EPB41L4B: variants seen among roughly 807,000 people sequenced by gnomAD.
EPB41L4B encodes erythrocyte membrane protein band 4.1 like 4B.
Under a neutral mutation model 112.5 loss-of-function variants are expected in EPB41L4B, and 30 were observed. That is an observed-to-expected ratio of 0.27 (90% CI 0.20 to 0.36). The LOEUF (loss-of-function observed/expected upper bound fraction) is 0.36. EPB41L4B is among the 10% of genes least tolerant of loss of function. The pLI is 1.00. For synonymous variants in EPB41L4B, 408 were observed against 439.7 expected, an observed-to-expected ratio of 0.93 and a Z score of 0.90; for missense variants, 1,024 against 1,133.3, an observed-to-expected ratio of 0.90 and a Z score of 1.38.
At position 109,213,762 on chromosome 9, in the gene EPB41L4B, G is replaced by T. The variant is rs367940262; in HGVS notation, c.1690C>A (p.Leu564Met). ...GCAGCCTTCACAGTTTCCAGTTCCAGCTTCTTTAGATGGGCAGCGGCTTCA... is the reference window on the plus strand; with the variant it reads ...GCAGCCTTCACAGTTTCCAGTTCCATCTTCTTTAGATGGGCAGCGGCTTCA... The part of the protein sequence containing the change: ...FSEAAAHLKK[L>M]ELETVKAAGP... Residue 564 changes from leucine to methionine, a missense_variant, in exon 17 of 26, where the codon CTG (leucine) becomes ATG (methionine). Transcript: ENST00000374566. The T allele has an allele frequency of 6.2e-7, 1 of 1,614,054 alleles. No homozygotes were observed.
intron 1 of EPB41L4B, among the ~76,000 whole-genome samples, chr9:109,305,392 G>A (rs925534349): frequency 6.6e-6 from 1 of 152,230 alleles, no homozygotes; most frequent in Non-Finnish European, 1.5e-5. Context: ...GCCAAAGCGG[G>A]TGGATCACTT....
At chr9:109,289,297 C>T (rs547335963) in intron 1 of EPB41L4B, among the ~76,000 whole-genome samples, 17 of 152,314 alleles carry the variant, frequency 1.1e-4, no homozygotes, top group Admixed American at 3.3e-4. Flanking sequence ...CAGCAGGCCC[C>T]GCCTCTCAGG....
intron 20 of EPB41L4B, among the ~76,000 whole-genome samples, chr9:109,197,158 C>A (rs1304264378): frequency 6.6e-6 from 1 of 152,198 alleles, no homozygotes; most frequent in South Asian, 2.1e-4. Context: ...TGTGGTGGCT[C>A]ATGCCTGTAA....
At chr9:109,236,418 T>TA (rs35103664) in intron 15 of EPB41L4B, among the ~76,000 whole-genome samples, 325 of 140,698 alleles carry the variant, frequency 2.3e-3, no homozygotes, top group Middle Eastern at 3.7e-3. Context: ...TATGCCTATT[T>TA]AAAAAAAAAA....
chr9:109,317,888 T>A (rs1039591655), intron 1 of EPB41L4B, among the ~76,000 whole-genome samples: 2 of 152,110 alleles, frequency 1.3e-5, no homozygotes, highest in Non-Finnish European at 2.9e-5. Flanking sequence ...GTGAAGTGGG[T>A]CTGAGGAGCA....
At chr9:109,249,894 G>C (rs1287413409) in intron 13 of EPB41L4B, among the ~76,000 whole-genome samples, 1 of 152,198 alleles carries the variant, frequency 6.6e-6, no homozygotes, top group Non-Finnish European at 1.5e-5. Context: ...ACAAAAGGCA[G>C]AATGACGCTG....
chr9:109,310,349 G>A (rs1216193769), intron 1 of EPB41L4B, among the ~76,000 whole-genome samples: 1 of 152,104 alleles, frequency 6.6e-6, no homozygotes, highest in Non-Finnish European at 1.5e-5. Context: ...TCAGGAGGGA[G>A]GGAGGGAGGG....
intron 21 of EPB41L4B, among the ~76,000 whole-genome samples, chr9:109,193,990 T>C (rs1832554031): frequency 6.6e-6 from 1 of 152,222 alleles, no homozygotes; most frequent in South Asian, 2.1e-4. Flanking sequence ...TACATTGCAA[T>C]TAAAGTACAA....
chr9:109,240,558 A>C, intron 15 of EPB41L4B: 1 of 985,410 alleles, frequency 1.0e-6, no homozygotes, highest in Non-Finnish European at 1.2e-6. Flanking sequence ...TAAGAGAAAA[A>C]AATGTTTGAC....
intron 15 of EPB41L4B, among the ~76,000 whole-genome samples, chr9:109,234,821 G>T (rs947035538): frequency 6.6e-6 from 1 of 152,198 alleles, no homozygotes; most frequent in African/African-American, 2.4e-5. Flanking sequence ...TTGCACCACT[G>T]CACTCCAGCC....
At chr9:109,236,476 C>T (rs1016589502) in intron 15 of EPB41L4B, among the ~76,000 whole-genome samples, 3 of 151,034 alleles carry the variant, frequency 2.0e-5, no homozygotes, top group African/African-American at 4.9e-5. Flanking sequence ...ATTAAAATAA[C>T]GATGAACACA....
At chr9:109,224,597 G>C (rs1396246092) in intron 15 of EPB41L4B, among the ~76,000 whole-genome samples, 2 of 152,080 alleles carry the variant, frequency 1.3e-5, no homozygotes, top group East Asian at 3.9e-4. Flanking sequence ...TTTCTTCTAG[G>C]GGTGATGAAA....
chr9:109,272,640 C>A lies in EPB41L4B; in HGVS notation c.412-4207G>T, dbSNP rs10979789. 6.3e-3 allele frequency among the ~76,000 whole-genome samples: 954 copies of A among 152,126 alleles called. 24 individuals carry two copies. In the East Asian group the frequency reaches 0.093, roughly 15 times the overall value. ...TGGTGGTGCATACCTGTAGTCCTAG[C>A]TACTTGGGAGGCTGAGTCAGAAGAG... is the stretch of plus-strand genomic sequence containing the variant. On this transcript the variant is annotated intron_variant, in intron 2 of 25. Transcript: ENST00000374566.
chr9:109,269,246 G>A (rs1835522899), intron 2 of EPB41L4B, among the ~76,000 whole-genome samples: 1 of 152,302 alleles, frequency 6.6e-6, no homozygotes, highest in South Asian at 2.1e-4. Flanking sequence ...GAGCCACACG[G>A]CAAATGCAAA....
At chr9:109,316,298 G>T (rs901587560) in intron 1 of EPB41L4B, among the ~76,000 whole-genome samples, 18 of 152,222 alleles carry the variant, frequency 1.2e-4, no homozygotes, top group Non-Finnish European at 2.6e-4. Flanking sequence ...TCCAAAGCAT[G>T]GCGGGAGTGC....
At chr9:109,302,771 T>A (rs947484) in intron 1 of EPB41L4B, among the ~76,000 whole-genome samples, 141,778 of 152,260 alleles carry the variant, frequency 0.93, 66,168 homozygotes, top group East Asian at 1. Flanking sequence ...CAGCATGGCC[T>A]TTCTGGATCC....
At chr9:109,188,197 G>A (rs1431788153) in intron 22 of EPB41L4B, among the ~76,000 whole-genome samples, 1 of 152,130 alleles carries the variant, frequency 6.6e-6, no homozygotes, top group African/African-American at 2.4e-5. Context: ...GAAAAGAGAT[G>A]GCTAGTTTGA....
intron 15 of EPB41L4B, among the ~76,000 whole-genome samples, chr9:109,242,506 G>A (rs1235187500): frequency 1.3e-5 from 2 of 152,172 alleles, no homozygotes; most frequent in Non-Finnish European, 2.9e-5. Context: ...TGTTTCTTAC[G>A]TCTGAAGAAT....
At chr9:109,296,320 C>G (rs938261918) in intron 1 of EPB41L4B, among the ~76,000 whole-genome samples, 4 of 152,136 alleles carry the variant, frequency 2.6e-5, no homozygotes, top group Non-Finnish European at 5.9e-5. Context: ...CTTCCATAGC[C>G]CTGAAATCAT....
Sources: allele counts gnomAD v4.1 joint callset (sites outside exome capture counted in the v4.1 genomes callset), GRCh38; gene constraint gnomAD v4.1.1; transcripts MANE v1.5; gene names NCBI Gene and HGNC (gene_info 2026-07-23, HGNC 2026-07-21).